The following ASCC3 variants were observed in gnomAD, a reference collection of about 807,000 sequenced individuals.
ASCC3 encodes the protein ASC-1 complex subunit P200.
Under a neutral mutation model 256.3 loss-of-function variants are expected in ASCC3, and 158 were observed. That is an observed-to-expected ratio of 0.62 (90% CI 0.54 to 0.70). The LOEUF (loss-of-function observed/expected upper bound fraction) is 0.70. Ranked by LOEUF, ASCC3 falls within the 30% of genes least tolerant of loss-of-function variation. The probability of loss-of-function intolerance (pLI) is 0.00; values close to 1 mark genes in which losing one functional copy is unlikely to be tolerated. For synonymous variants in ASCC3, 948 were observed against 883.4 expected (o/e 1.07, Z -1.30); for missense variants, 2,259 against 2,626.0 (o/e 0.86, Z 3.05).
intron 34 of ASCC3, among the ~76,000 whole-genome samples, chr6:100,599,709 C>T (rs755190132): frequency 3.3e-5 from 5 of 151,174 alleles, no homozygotes; most frequent in Non-Finnish European, 5.9e-5. Context: ...CAAAGGGCAA[C>T]GTATCTGTGG....
intron 36 of ASCC3, among the ~76,000 whole-genome samples, chr6:100,569,056 G>A (rs1770441159): frequency 6.6e-6 from 1 of 151,974 alleles, no homozygotes; most frequent in Non-Finnish European, 1.5e-5. Flanking sequence ...TATTTCTTAA[G>A]GCTGATGTCC....
At chr6:100,687,954 TA>T (rs980625211) in intron 13 of ASCC3, among the ~76,000 whole-genome samples, 1 of 149,714 alleles carries the variant, frequency 6.7e-6, no homozygotes, top group Non-Finnish European at 1.5e-5. Flanking sequence ...CATAACCTCA[TA>T]AAAAATTATA....
intron 34 of ASCC3, among the ~76,000 whole-genome samples, chr6:100,592,760 C>A (rs926333360): frequency 2.0e-5 from 3 of 152,004 alleles, no homozygotes; most frequent in Non-Finnish European, 4.4e-5. Flanking sequence ...AATCACTTTA[C>A]TAACTTGAAA....
intron 22 of ASCC3, 41 bp downstream of exon 22, chr6:100,646,574 T>C (rs7773317): frequency 0.021 from 34,266 of 1,605,070 alleles, 453 homozygotes; most frequent in African/African-American, 0.054. Context: ...GTAGTACAGA[T>C]ATTTTTGTTT....
intron 37 of ASCC3, among the ~76,000 whole-genome samples, chr6:100,530,061 G>T (rs576830643): frequency 2.0e-5 from 3 of 151,946 alleles, no homozygotes; most frequent in Non-Finnish European, 2.9e-5. Context: ...GTATAATTTG[G>T]TATTTAACAT....
At chr6:100,836,668 A>T (rs140669261) in intron 4 of ASCC3, among the ~76,000 whole-genome samples, 2 of 151,960 alleles carry the variant, frequency 1.3e-5, no homozygotes, top group East Asian at 1.9e-4. Flanking sequence ...AATGTTTTAC[A>T]TCTATGTTTA....
chr6:100,744,541 T>C (rs916346699), intron 10 of ASCC3, among the ~76,000 whole-genome samples: 3 of 152,160 alleles, frequency 2.0e-5, no homozygotes, highest in Non-Finnish European at 4.4e-5. Flanking sequence ...ATAAAAATAG[T>C]ATTTCCAGTT....
chr6:100,511,712 CA>C (rs889353712), intron 40 of ASCC3, among the ~76,000 whole-genome samples: 6 of 145,286 alleles, frequency 4.1e-5, no homozygotes, highest in Admixed American at 1.4e-4. Flanking sequence ...GACTTCGTAT[CA>C]AAAAAAAAAG....
rs919991447 is a variant in ASCC3 at position 100,612,838 on chromosome 6, C to T, written c.4786-5750G>A. ...ATTTATACTTCGTTGCTCTTTCTGA[C>T]GCTCAAAGACAAGCACACCTCAAAA... On this transcript the variant is annotated intron_variant, in intron 30 of 41. Coordinates refer to ENST00000369162, the MANE Select transcript of ASCC3 (RefSeq NM_006828.4). Among the ~76,000 whole-genome samples, 10 of 151,968 alleles carry T rather than the reference C, an allele frequency of 6.6e-5. 1 individual carries two copies. The East Asian group carries it at 7.7e-4, about 12-fold the overall frequency.
chr6:100,576,958 A>G lies in ASCC3; in HGVS notation c.5550+12676T>C, dbSNP rs2114736323. On this transcript the variant is annotated intron_variant, in intron 36 of 41. Coordinates refer to ENST00000369162, the MANE Select transcript of ASCC3 (RefSeq NM_006828.4). ...TATTTTCCTTCTCACTGTTGACTGGAGTAGTTTCATATAATGGAATAATAA... is the reference window on the plus strand; with the variant it reads ...TATTTTCCTTCTCACTGTTGACTGGGGTAGTTTCATATAATGGAATAATAA... Among the ~76,000 whole-genome samples the G allele has an allele frequency of 1.3e-5, 2 of 151,856 alleles. 1 individual carries two copies. The highest frequency in any genetic ancestry group is 6.8e-3 in the Middle Eastern group (2 of 294).
chr6:100,717,811 C>T (rs1009843372), intron 12 of ASCC3, among the ~76,000 whole-genome samples: 1 of 151,972 alleles, frequency 6.6e-6, no homozygotes, highest in East Asian at 1.9e-4. Flanking sequence ...GCTGAAAATA[C>T]GTAACATACA....
At chr6:100,819,637 G>A (rs781101156) in intron 4 of ASCC3, among the ~76,000 whole-genome samples, 4 of 151,996 alleles carry the variant, frequency 2.6e-5, no homozygotes, top group African/African-American at 4.8e-5. Context: ...GATGTTCAAG[G>A]GCAAGAAGCA....
chr6:100,810,677 C>T (rs1770418479), intron 4 of ASCC3, among the ~76,000 whole-genome samples: 1 of 151,992 alleles, frequency 6.6e-6, no homozygotes, highest in Non-Finnish European at 1.5e-5. Context: ...CTTTTGACAA[C>T]ATAAAAAAGT....
intron 24 of ASCC3, among the ~76,000 whole-genome samples, chr6:100,641,849 G>T (rs151639): frequency 0.99 from 151,448 of 152,250 alleles, 75,328 homozygotes; most frequent in East Asian, 1. Flanking sequence ...AAGGATGAGT[G>T]CATGTCCTTT....
intron 10 of ASCC3, among the ~76,000 whole-genome samples, chr6:100,741,505 C>T (rs1266572819): frequency 6.6e-6 from 1 of 152,162 alleles, no homozygotes. Context: ...CTCCCCATCT[C>T]GTTTAGGTAC....
intron 5 of ASCC3, 46 bp downstream of exon 5, chr6:100,805,714 A>G (rs1296562587): frequency 1.9e-6 from 3 of 1,595,454 alleles, no homozygotes; most frequent in South Asian, 2.2e-5. Context: ...TTGCTAACCA[A>G]TGAATATTTC....
chr6:100,602,900 C>G (rs185217690), intron 33 of ASCC3, among the ~76,000 whole-genome samples: 3 of 151,922 alleles, frequency 2.0e-5, no homozygotes, highest in Non-Finnish European at 4.4e-5. Context: ...GCAAAGGACA[C>G]GAGAAAATAG....
rs1039761658 is a variant in ASCC3 at position 100,508,763 on chromosome 6, A to C, written c.*623T>G. 2 of 152,368 alleles carry C rather than the reference A, an allele frequency of 1.3e-5. No individual in the cohort carries two copies. Among genetic ancestry groups the C allele is most frequent in the African/African-American group, 4.8e-5 (2 of 41,472 alleles). 9.4% of individuals were successfully genotyped at this position (152,368 alleles called of 1,614,324 possible). ...AGTGCCACTCTATATTTTATTTCCCAGTTAACCATGTCTACATTTTCTAAG... is the reference window on the plus strand; with the variant it reads ...AGTGCCACTCTATATTTTATTTCCCCGTTAACCATGTCTACATTTTCTAAG... On this transcript the variant is annotated 3_prime_UTR_variant, in exon 42 of 42. Coordinates refer to ENST00000369162, the MANE Select transcript of ASCC3 (RefSeq NM_006828.4).
At chr6:100,730,263 C>T (rs1047692002) in intron 10 of ASCC3, among the ~76,000 whole-genome samples, 1 of 151,936 alleles carries the variant, frequency 6.6e-6, no homozygotes, top group Admixed American at 6.6e-5. Context: ...TGCCACTGCA[C>T]TCCAGCCTGG....
Sources: gnomAD v4.1 joint callset for allele counts (sites outside exome capture counted in the v4.1 genomes callset) on GRCh38, gnomAD v4.1.1 for gene constraint, MANE v1.5 for transcripts, NCBI Gene and HGNC (gene_info 2026-07-23, HGNC 2026-07-21) for gene names.